The following C14orf132 variants were observed in gnomAD, a reference collection of about 807,000 sequenced individuals.
C14orf132 encodes uncharacterized protein C14orf132.
C14orf132 carries 6 observed loss-of-function variants against 5.8 expected under a neutral mutation model. The observed-to-expected ratio is 1.03, with a 90% CI of 0.57 to 2.04. C14orf132 has a LOEUF of 2.04. C14orf132 is among the 30% of genes most tolerant of loss of function. The pLI, the probability that C14orf132 is intolerant of heterozygous loss-of-function variation, is 0.00. For missense variants in C14orf132, 125 were observed against 115.8 expected, an observed-to-expected ratio of 1.08 and a Z score of -0.37; for synonymous variants, 51 against 49.8, an observed-to-expected ratio of 1.02 and a Z score of -0.10.
chr14:96,053,008 C>T (rs2139650412), intron 1 of C14orf132, among the ~76,000 whole-genome samples: 1 of 152,248 alleles, frequency 6.6e-6, no homozygotes, highest in African/African-American at 2.4e-5. Flanking sequence ...ACCAACCACC[C>T]CGGTTTCTGC....
chr14:96,085,413 A>G (rs1293557527), intron 1 of C14orf132, among the ~76,000 whole-genome samples: 1 of 152,198 alleles, frequency 6.6e-6, no homozygotes, highest in South Asian at 2.1e-4. Flanking sequence ...AAGCCTGGAC[A>G]TGGGCCTCCT....
rs371381526 is a variant in C14orf132, at chr14:96,049,653, T to TATAGAGAGAG, written c.27+10127_27+10128insTAGAGAGAGA. Among the ~76,000 whole-genome samples, 93 of 82,278 alleles carry TATAGAGAGAG rather than the reference T, an allele frequency of 1.1e-3. 9 individuals are homozygous for TATAGAGAGAG. Among genetic ancestry groups the TATAGAGAGAG allele is most frequent in the African/African-American group, 2.9e-3 (64 of 21,756 alleles). The allele number at this position is 82,278 out of a possible 152,430, so 54.0% of individuals were successfully genotyped here. ...ATACATATATACGTATATATATATA[T>TATAGAGAGAG]AGAGAGAGAGAGAGAGAGAGTTCTG... On this transcript the variant is annotated intron_variant, in intron 1 of 1. Transcript: ENST00000555004.
In C14orf132 at chr14:96,090,267, C is replaced by T. The variant is rs916201085; in HGVS notation, c.*3532C>T. 4 of 178,246 alleles carry T rather than the reference C, an allele frequency of 2.2e-5. No individual in the cohort carries two copies. Among genetic ancestry groups the T allele is most frequent in the Non-Finnish European group, 3.5e-5 (3 of 85,566 alleles). The allele number at this position is 178,246 out of a possible 1,614,324, so 11.0% of individuals were successfully genotyped here. ...ATTAACCAGACATTGTGGCATGTGC[C>T]TGTAATCCCAGCTACTCAGGAGGCT... On this transcript the variant is annotated 3_prime_UTR_variant, in exon 2 of 2. Transcript: ENST00000555004.
At chr14:96,054,396 G>A (rs1469465899) in intron 1 of C14orf132, among the ~76,000 whole-genome samples, 1 of 152,176 alleles carries the variant, frequency 6.6e-6, no homozygotes, top group Non-Finnish European at 1.5e-5. Context: ...GGATTTTGCC[G>A]CTTAAATATG....
At chr14:96,049,616 ATACG>A (rs1219508857) in intron 1 of C14orf132, among the ~76,000 whole-genome samples, 16 of 112,150 alleles carry the variant, frequency 1.4e-4, no homozygotes, top group African/African-American at 6.1e-4. Context: ...ATATACATAT[ATACG>A]TATATATATA....
In C14orf132 at chr14:96,088,715, G is replaced by A. The variant is rs1343733529; in HGVS notation, c.*1980G>A. ...CCTCTGGCCCCACATCCCTAGGAGG[G>A]CCTGACCCCTGTAAAGATACAGGAG... On this transcript the variant is annotated 3_prime_UTR_variant, in exon 2 of 2. Transcript: ENST00000555004. 2 of 152,286 alleles carry A rather than the reference G, an allele frequency of 1.3e-5. No individual in the cohort carries two copies. The highest frequency in any genetic ancestry group is 4.8e-5 in the African/African-American group (2 of 41,454). The allele number at this position is 152,286 out of a possible 1,614,324, so 9.4% of individuals were successfully genotyped here.
intron 1 of C14orf132, among the ~76,000 whole-genome samples, chr14:96,074,548 G>GTT (rs11311729): frequency 0.034 from 4,964 of 145,428 alleles, 259 homozygotes; most frequent in African/African-American, 0.11. Flanking sequence ...TAAGGCATGA[G>GTT]TTTTTTTTTT....
Position 96,090,535 on chromosome 14 carries a change from C to T in C14orf132, c.*3800C>T. 1 of 447,916 alleles carries T rather than the reference C, an allele frequency of 2.2e-6. No homozygotes were observed. Among genetic ancestry groups the T allele is most frequent in the South Asian group, 1.6e-5 (1 of 63,360 alleles). The allele number at this position is 447,916 out of a possible 1,614,324, so 27.7% of individuals were successfully genotyped here. On this transcript the variant is annotated 3_prime_UTR_variant, in exon 2 of 2. Transcript: ENST00000555004. ...TTAAGAGGACTTGTGCTTCCAGGGA[C>T]CCAGGCAGGATGATGGCGCAGCTCT...
chr14:96,053,080 C>G (rs1887075072), intron 1 of C14orf132, among the ~76,000 whole-genome samples: 1 of 152,270 alleles, frequency 6.6e-6, no homozygotes, highest in Middle Eastern at 3.4e-3. Flanking sequence ...AGGACAGCCC[C>G]AGGCCAACTG....
intron 1 of C14orf132, chr14:96,051,254 T>C: frequency 2.5e-6 from 1 of 398,642 alleles, no homozygotes. Flanking sequence ...CATGAGACAT[T>C]GAGGGAGCCA....
Position 96,091,778 on chromosome 14 carries a change from G to A in C14orf132, c.*5043G>A, listed in dbSNP as rs962331055. 6.6e-6 allele frequency: 1 copy of A among 151,220 alleles called. No individual in the cohort carries two copies. The highest frequency in any genetic ancestry group is 2.4e-5 in the African/African-American group (1 of 41,072). The allele number at this position is 151,220 out of a possible 1,614,324, so 9.4% of individuals were successfully genotyped here. A position where few individuals can be genotyped will look rare whatever the true frequency, so the allele number is the denominator to read the frequency against. On this transcript the variant is annotated 3_prime_UTR_variant, in exon 2 of 2. Coordinates refer to ENST00000555004, the MANE Select transcript of C14orf132 (RefSeq NM_001252507.3). ...CCCTGACCATGGTCACTCACGGAGA[G>A]GGATGGAGGAGAAGGTGGTTGAACT...
rs1888073557 is a variant in C14orf132, at chr14:96,083,005, C to T, written c.28-3506C>T. ...CACCAGAACCCACCCTCATTTCCCA[C>T]GCTCTGAGACAGCAGAATCCGTCCC... On this transcript the variant is annotated intron_variant, in intron 1 of 1. Coordinates refer to ENST00000555004, the MANE Select transcript of C14orf132 (RefSeq NM_001252507.3). 2.0e-5 allele frequency among the ~76,000 whole-genome samples: 3 copies of T among 152,164 alleles called. No individual in the cohort carries two copies. In the South Asian group the frequency reaches 6.2e-4, roughly 32 times the overall value.
At chr14:96,040,932 C>T (rs962383091) in intron 1 of C14orf132, among the ~76,000 whole-genome samples, 2 of 152,144 alleles carry the variant, frequency 1.3e-5, no homozygotes, top group African/African-American at 4.8e-5. Context: ...ACTGAACCTC[C>T]GGAATTTCCA....
At position 96,059,221 on chromosome 14, in the gene C14orf132, G is replaced by C. The variant is rs1195713015; in HGVS notation, c.27+19694G>C. Among the ~76,000 whole-genome samples, 5 of 152,308 alleles carry C rather than the reference G, an allele frequency of 3.3e-5. No individual in the cohort carries two copies. The East Asian group carries it at 9.6e-4, about 29-fold the overall frequency. On this transcript the variant is annotated intron_variant, in intron 1 of 1. Coordinates refer to ENST00000555004, the MANE Select transcript of C14orf132 (RefSeq NM_001252507.3). ...GATTGCTTGAGCCCAGGAGGTCGAA[G>C]CTGCAGGGAGCCATGATTGCAGCAC...
At chr14:96,080,758 G>A (rs1332984049) in intron 1 of C14orf132, among the ~76,000 whole-genome samples, 2 of 151,958 alleles carry the variant, frequency 1.3e-5, no homozygotes, top group Admixed American at 6.6e-5. Flanking sequence ...ACAATGGCCC[G>A]GACCACCTGG....
chr14:96,065,873 C>T (rs887240467), intron 1 of C14orf132, among the ~76,000 whole-genome samples: 5 of 152,138 alleles, frequency 3.3e-5, no homozygotes, highest in Non-Finnish European at 5.9e-5. Flanking sequence ...AAGATGCTAT[C>T]GAGTTAATTG....
In C14orf132 at chr14:96,089,269, C is replaced by T. The variant is rs1261132903; in HGVS notation, c.*2534C>T. On this transcript the variant is annotated 3_prime_UTR_variant, in exon 2 of 2. Coordinates refer to ENST00000555004, the MANE Select transcript of C14orf132 (RefSeq NM_001252507.3). ...GGGAAAAAGATGCCGGTCCTCACTG[C>T]TTAAGTTTTGTGTCCAGGTGCCACT... The T allele has an allele frequency of 2.0e-5, 3 of 152,346 alleles. No homozygotes were observed. The highest frequency in any genetic ancestry group is 2.0e-4 in the Admixed American group (3 of 15,284). 9.4% of individuals were successfully genotyped at this position (152,346 alleles called of 1,614,324 possible).
chr14:96,066,800 T>G (rs1230204920), intron 1 of C14orf132, among the ~76,000 whole-genome samples: 2 of 152,178 alleles, frequency 1.3e-5, no homozygotes, highest in African/African-American at 4.8e-5. Context: ...TATAATAGAA[T>G]GTACTATAAT....
chr14:96,081,547 C>T (rs573770479), intron 1 of C14orf132, among the ~76,000 whole-genome samples: 3 of 152,290 alleles, frequency 2.0e-5, no homozygotes, highest in Admixed American at 6.5e-5. Flanking sequence ...GCCCTGCCTT[C>T]GGAAAAGCGT....
Sources: allele counts gnomAD v4.1 joint callset (sites outside exome capture counted in the v4.1 genomes callset), GRCh38; gene constraint gnomAD v4.1.1; transcripts MANE v1.5; gene names NCBI Gene and HGNC (gene_info 2026-07-23, HGNC 2026-07-21).